Variants in SYNE1 observed in about 807,000 individuals in gnomAD.
The protein encoded by SYNE1 is nesprin-1.
SYNE1 carries 616 observed loss-of-function variants against 1,111.0 expected under a neutral mutation model. The observed-to-expected ratio is 0.55, with a 90% CI of 0.52 to 0.59. SYNE1 has a LOEUF of 0.59. Ranked by LOEUF, SYNE1 falls within the 20% of genes least tolerant of loss-of-function variation. The pLI, the probability that SYNE1 is intolerant of heterozygous loss-of-function variation, is 0.00. For synonymous variants in SYNE1, 3,855 were observed against 3,825.8 expected (o/e 1.01, Z -0.28); for missense variants, 10,006 against 10,417.0 (o/e 0.96, Z 1.72).
At chr6:152,380,909 G>T in intron 56 of SYNE1, 97 bp downstream of exon 56, 1 of 1,136,812 alleles carries the variant, frequency 8.8e-7, no homozygotes, top group Non-Finnish European at 1.3e-6. Flanking sequence ...TGCATGTTGC[G>T]TGTTTTTAGT....
intron 31 of SYNE1, 93 bp downstream of exon 31, chr6:152,441,982 G>A (rs1016798083): frequency 2.7e-5 from 39 of 1,430,010 alleles, no homozygotes; most frequent in East Asian, 4.5e-5. Flanking sequence ...CATCAGAGGC[G>A]GTAACAAAGG....
At chr6:152,214,160 T>C (rs2153434726) in intron 122 of SYNE1, among the ~76,000 whole-genome samples, 1 of 141,118 alleles carries the variant, frequency 7.1e-6, no homozygotes, top group African/African-American at 2.7e-5. Flanking sequence ...GCCTTTGCAC[T>C]CCAGCCTGGG....
intron 124 of SYNE1, among the ~76,000 whole-genome samples, chr6:152,210,575 C>T (rs1004689320): frequency 5.3e-5 from 8 of 152,086 alleles, no homozygotes; most frequent in African/African-American, 1.9e-4. Context: ...ATTGCTTCTA[C>T]AACATTAAAG....
At position 152,256,325 on chromosome 6, in the gene SYNE1, G is replaced by T. The variant is rs1204499044; in HGVS notation, c.19104+309C>A. On this transcript the variant is annotated intron_variant, in intron 102 of 145. Coordinates refer to ENST00000367255, the MANE Select transcript of SYNE1 (RefSeq NM_182961.4). ...CACGCCTGTAGTCCCAGCTATTCGG[G>T]AGGGTGAGACAGGAGAATCCCTTGA... 2.6e-5 allele frequency among the ~76,000 whole-genome samples: 4 copies of T among 151,974 alleles called. No individual in the cohort carries two copies. The East Asian group carries it at 7.7e-4, about 29-fold the overall frequency.
chr6:152,311,716 G>T (rs2095552626), intron 87 of SYNE1, among the ~76,000 whole-genome samples: 1 of 152,210 alleles, frequency 6.6e-6, no homozygotes, highest in African/African-American at 2.4e-5. Context: ...AGTTAGTGGG[G>T]TGTGTAATGT....
chr6:152,445,246 T>C (rs1490428328), intron 29 of SYNE1, among the ~76,000 whole-genome samples: 1 of 151,982 alleles, frequency 6.6e-6, no homozygotes, highest in Admixed American at 6.6e-5. Context: ...TTAAAACAAA[T>C]AGGAAAACAT....
At chr6:152,183,048 T>C (rs2068583660) in intron 128 of SYNE1, among the ~76,000 whole-genome samples, 1 of 152,158 alleles carries the variant, frequency 6.6e-6, no homozygotes, top group Non-Finnish European at 1.5e-5. Context: ...TTAAAAGTTT[T>C]GGGGACAAAT....
Position 152,301,959 on chromosome 6 carries a change from C to T in SYNE1, c.17451G>A (p.Thr5817=), listed in dbSNP as rs769954729. The T allele has an allele frequency of 3.0e-5, 49 of 1,614,112 alleles. No individual in the cohort carries two copies. Among genetic ancestry groups the T allele is most frequent in the Admixed American group, 1.7e-4 (10 of 60,012 alleles). The change falls in exon 92 of 146, where the codon ACG becomes ACA. Residue 5817 remains threonine, a synonymous_variant. Transcript: ENST00000367255. ...MKAKHATMLL[T]VTEVEGLAEG... is the part of the protein sequence containing the mutation. ...CCGCCAGCCCCTCGACCTCGGTCAC[C>T]GTCAGCAGCATGGTGGCGTGCTTGG...
At chr6:152,206,114 G>T in intron 126 of SYNE1, 54 bp downstream of exon 126, 1 of 1,501,040 alleles carries the variant, frequency 6.7e-7, no homozygotes, top group Non-Finnish European at 9.2e-7. Context: ...ATGGGAGGAA[G>T]TAGTACAACG....
rs2096071291 is a variant in SYNE1 at position 152,326,589 on chromosome 6, C to T, written c.15000G>A (p.Gln5000=). The T allele has an allele frequency of 6.2e-7, 1 of 1,614,196 alleles. No individual in the cohort carries two copies. The highest frequency in any genetic ancestry group is 1.1e-5 in the South Asian group (1 of 91,080). ...EIYSQCQRYY[Q]VFQAANDWLE... ...GCCAGTCATTGGCTGCTTGAAATAC[C>T]TGATAATACCTTTGACACTGGCTAT... The change falls in exon 79 of 146, where the codon CAG becomes CAA. Residue 5000 remains glutamine (Q), a synonymous_variant. Coordinates refer to ENST00000367255, the MANE Select transcript of SYNE1 (RefSeq NM_182961.4).
intron 3 of SYNE1, among the ~76,000 whole-genome samples, chr6:152,606,674 G>T (rs979203513): frequency 6.4e-5 from 9 of 140,028 alleles, no homozygotes; most frequent in Non-Finnish European, 9.4e-5. Flanking sequence ...TTGAGACGGA[G>T]CCTGGCTCTG....
chr6:152,458,551 C>T (rs2098711961), intron 22 of SYNE1, among the ~76,000 whole-genome samples: 1 of 152,176 alleles, frequency 6.6e-6, no homozygotes, highest in Non-Finnish European at 1.5e-5. Context: ...AGACCATTCC[C>T]TGGAAACAAA....
intron 128 of SYNE1, among the ~76,000 whole-genome samples, chr6:152,187,632 CA>C (rs2070579032): frequency 6.6e-6 from 1 of 152,182 alleles, no homozygotes; most frequent in African/African-American, 2.4e-5. Flanking sequence ...TTTCGAAACT[CA>C]ATTCAAAATG....
chr6:152,603,486 G>T (rs527331016), intron 3 of SYNE1, among the ~76,000 whole-genome samples: 2 of 152,172 alleles, frequency 1.3e-5, no homozygotes, highest in Admixed American at 6.5e-5. Context: ...CCTGACATAA[G>T]TTTCCTTTCA....
At chr6:152,507,855 A>G (rs933038860) in intron 8 of SYNE1, among the ~76,000 whole-genome samples, 3 of 152,174 alleles carry the variant, frequency 2.0e-5, no homozygotes, top group African/African-American at 7.2e-5. Context: ...TAGTTTTAGC[A>G]ATTAGAGGGC....
intron 6 of SYNE1, among the ~76,000 whole-genome samples, chr6:152,515,236 AAAG>A (rs2099105899): frequency 6.6e-6 from 1 of 151,998 alleles, no homozygotes; most frequent in African/African-American, 2.4e-5. Flanking sequence ...AAAAAAAAGA[AAAG>A]AAAAGAAAAA....
At position 152,331,870 on chromosome 6, in the gene SYNE1, G is replaced by A; in HGVS notation, c.12815C>T (p.Ala4272Val). The change falls in exon 78 of 146, where the codon GCT becomes GTT. Residue 4272 changes from alanine to valine, a missense_variant. By Grantham distance (64) the Ala-to-Val change is moderately conservative. This residue lies in a region of SYNE1 where 4,955 missense variants were observed against 5,017.2 expected (regional missense o/e 0.99). Transcript: ENST00000367255. ...NLARSDAEST[A>V]VHLEALKKLA... ...CTTTTTCAAAGCTTCCAGGTGGACA[G>A]CTGTACTCTCTGCATCAGATCTGAA... 2 of 1,612,654 alleles carry A rather than the reference G, an allele frequency of 1.2e-6. No homozygotes were observed. Among genetic ancestry groups the A allele is most frequent in the Non-Finnish European group, 1.7e-6 (2 of 1,180,014 alleles).
rs2098742034 is a variant in SYNE1 at position 152,462,802 on chromosome 6, T to C, written c.2186A>G (p.Lys729Arg). The stretch of plus-strand genomic sequence containing the variant: ...GACTTCTAAGGGTTCAGAAAGTTTC[T>C]TATGGGCTTCCGTTGCAAAAGCAGA... Reference protein sequence around the residue: ...TLSAFATEAHKKLSEPLEVSF... With the variant: ...TLSAFATEAHRKLSEPLEVSF... The change falls in exon 20 of 146, where the codon AAG becomes AGG. Residue 729 changes from lysine (K) to arginine (R), a missense_variant. By Grantham distance (26) the Lys-to-Arg change is conservative. Transcript: ENST00000367255. The C allele has an allele frequency of 1.2e-6, 2 of 1,614,042 alleles. No individual in the cohort carries two copies. Among genetic ancestry groups the C allele is most frequent in the Non-Finnish European group, 1.7e-6 (2 of 1,179,958 alleles).
At chr6:152,215,676 T>C (rs1164637609) in intron 121 of SYNE1, among the ~76,000 whole-genome samples, 1 of 152,208 alleles carries the variant, frequency 6.6e-6, no homozygotes, top group Non-Finnish European at 1.5e-5. Flanking sequence ...GCACTTACTA[T>C]GAATCAAGCA....
Sources: gnomAD v4.1 joint callset for allele counts (sites outside exome capture counted in the v4.1 genomes callset) on GRCh38, gnomAD v4.1.1 for gene constraint, gnomAD v4.1.1 regional missense constraint, MANE v1.5 for transcripts, NCBI Gene and HGNC (gene_info 2026-07-23, HGNC 2026-07-21) for gene names.